The following CAMTA1 variants were observed in gnomAD, a reference collection of about 807,000 sequenced individuals.
The protein encoded by CAMTA1 is calmodulin-binding transcription activator 1.
A neutral mutation model predicts 170.9 loss-of-function variants in CAMTA1; 27 were observed. The ratio of observed to expected loss-of-function variants is 0.16; its 90% CI spans 0.12 to 0.22. CAMTA1 has a LOEUF of 0.22. CAMTA1 is among the 10% of genes least tolerant of loss of function. The pLI, the probability that CAMTA1 is intolerant of heterozygous loss-of-function variation, is 1.00. For synonymous variants in CAMTA1, 833 were observed against 891.5 expected (o/e 0.93, Z 1.17); for missense variants, 1,619 against 2,217.2 (o/e 0.73, Z 5.42).
At chr1:7,761,592 A>G (rs1169018647) in intron 22 of CAMTA1, among the ~76,000 whole-genome samples, 2 of 152,210 alleles carry the variant, frequency 1.3e-5, no homozygotes, top group Non-Finnish European at 2.9e-5. Context: ...CAAGTTCTAT[A>G]GATATGGTGA....
At chr1:7,320,641 C>CTG (rs1553132641) in intron 5 of CAMTA1, among the ~76,000 whole-genome samples, 23 of 135,704 alleles carry the variant, frequency 1.7e-4, no homozygotes, top group African/African-American at 5.4e-4. Flanking sequence ...CTGGGCTGTG[C>CTG]TGTGTGTGTT....
chr1:7,691,319 G>A (rs2096308969), intron 11 of CAMTA1, among the ~76,000 whole-genome samples: 1 of 152,190 alleles, frequency 6.6e-6, no homozygotes, highest in South Asian at 2.1e-4. Flanking sequence ...CAGGCCACAG[G>A]GGCTGGAGGG....
intron 5 of CAMTA1, among the ~76,000 whole-genome samples, chr1:7,254,219 C>T (rs1019603973): frequency 9.9e-5 from 15 of 152,270 alleles, no homozygotes; most frequent in African/African-American, 3.6e-4. Flanking sequence ...TCAGTATTTC[C>T]CCCAGGCCTA....
At chr1:7,502,715 G>A (rs913328756) in intron 6 of CAMTA1, among the ~76,000 whole-genome samples, 13 of 152,240 alleles carry the variant, frequency 8.5e-5, no homozygotes, top group Admixed American at 3.9e-4. Context: ...AGGACACTGA[G>A]CACTGGAGGG....
At chr1:7,624,191 G>C (rs2095617900) in intron 6 of CAMTA1, among the ~76,000 whole-genome samples, 1 of 152,258 alleles carries the variant, frequency 6.6e-6, no homozygotes, top group African/African-American at 2.4e-5. Flanking sequence ...TCCCCGCTAA[G>C]GGGTTGCCTT....
chr1:7,525,603 C>T (rs1206450676), intron 6 of CAMTA1, among the ~76,000 whole-genome samples: 1 of 152,114 alleles, frequency 6.6e-6, no homozygotes, highest in African/African-American at 2.4e-5. Context: ...AGGCCAGCTC[C>T]TGGGAGGACA....
rs1449361542 is a variant in CAMTA1 at position 7,588,384 on chromosome 1, G to C, written c.511-52016G>C. On this transcript the variant is annotated intron_variant, in intron 6 of 22. Transcript: ENST00000303635. This position sits in a 1 kb window ranked among gnomAD's most constrained non-coding sequence, Gnocchi z 5.8. ...CACACAGTCGGGATGGTCCGGGCGG[G>C]GGATGGCCCCAGGGGCTCAGGAGGC... 6.6e-6 allele frequency among the ~76,000 whole-genome samples: 1 copy of C among 152,182 alleles called. No individual in the cohort carries two copies. The highest frequency in any genetic ancestry group is 1.5e-5 in the Non-Finnish European group (1 of 68,024).
intron 5 of CAMTA1, among the ~76,000 whole-genome samples, chr1:7,360,806 T>C (rs892858716): frequency 1.3e-5 from 2 of 152,242 alleles, no homozygotes; most frequent in African/African-American, 4.8e-5. Flanking sequence ...ATCCCTCTCC[T>C]GCCACGCCTG....
chr1:7,359,526 T>C (rs1039044267), intron 5 of CAMTA1, among the ~76,000 whole-genome samples: 2 of 152,168 alleles, frequency 1.3e-5, no homozygotes, highest in African/African-American at 2.4e-5. Flanking sequence ...CTCACCCCAT[T>C]CGACGGCACC....
rs746398137 is a variant in CAMTA1, at chr1:7,661,832, G to A, written c.771G>A (p.Pro257=). 4.3e-5 allele frequency: 70 copies of A among 1,613,110 alleles called. No homozygotes were observed. The highest frequency in any genetic ancestry group is 2.4e-4 in the South Asian group (22 of 90,952). The change falls in exon 8 of 23, where the codon CCG becomes CCA. Residue 257 remains proline (P), a synonymous_variant. Coordinates refer to ENST00000303635, the MANE Select transcript of CAMTA1 (RefSeq NM_015215.4). ...ILDSHQTKPQ[P]RTHNCLCTGS... ...ACAGCCACCAGACCAAGCCCCAGCC[G>A]CGGACCCACAACTGCCTCTGCACCG...
chr1:7,126,013 C>G (rs1344802374), intron 4 of CAMTA1, among the ~76,000 whole-genome samples: 1 of 152,086 alleles, frequency 6.6e-6, no homozygotes, highest in Non-Finnish European at 1.5e-5. Context: ...AACTCACAGT[C>G]ATGGCAGAAG....
At chr1:7,131,954 C>G (rs1374861101) in intron 4 of CAMTA1, among the ~76,000 whole-genome samples, 4 of 151,996 alleles carry the variant, frequency 2.6e-5, no homozygotes, top group African/African-American at 9.7e-5. Context: ...ACTCAGGAGA[C>G]TGAGGCAGGA....
At chr1:6,834,232 T>G (rs1165321671) in intron 3 of CAMTA1, 1 of 151,064 alleles carries the variant, frequency 6.6e-6, no homozygotes, top group Non-Finnish European at 1.5e-5. Context: ...TTATTTTTAT[T>G]TATAAATTTA....
chr1:7,084,108 G>GT (rs1640397280), intron 3 of CAMTA1, among the ~76,000 whole-genome samples: 1 of 151,898 alleles, frequency 6.6e-6, no homozygotes, highest in Non-Finnish European at 1.5e-5. Flanking sequence ...ATCTGAGACT[G>GT]TATAGACTAT....
rs770570148 is a variant in CAMTA1, at chr1:7,664,773, G to A, written c.2226G>A (p.Gln742=). Residue 742 remains glutamine, a synonymous_variant, in exon 9 of 23, where the codon CAG becomes CAA. Transcript: ENST00000303635. Reference sequence around the variant, plus strand: ...CCATCCTCCCGGGCAACGTGGTGCAGGGACTCTACCCCGTGGCCCAGCCCA... The same window carrying A: ...CCATCCTCCCGGGCAACGTGGTGCAAGGACTCTACCCCGTGGCCCAGCCCA... ...GVPILPGNVV[Q]GLYPVAQPSL... is the part of the protein sequence containing the mutation. The A allele has an allele frequency of 6.5e-5, 104 of 1,611,508 alleles. No individual in the cohort carries two copies. The Admixed American group carries it at 1.6e-3, about 25-fold the overall frequency.
chr1:6,851,901 C>T lies in CAMTA1; in HGVS notation c.234+26691C>T, dbSNP rs1051695484. ...TGGTGGTGCACGCCTGTAATTCCAGCCACTTGGGAGGCTGAGGCACGAGAA... is the reference window on the plus strand; with the variant it reads ...TGGTGGTGCACGCCTGTAATTCCAGTCACTTGGGAGGCTGAGGCACGAGAA... On this transcript the variant is annotated intron_variant, in intron 3 of 22. Transcript: ENST00000303635. 5.0e-4 allele frequency among the ~76,000 whole-genome samples: 76 copies of T among 151,838 alleles called. 3 individuals are homozygous for T. The highest frequency in any genetic ancestry group is 7.4e-5 in the Non-Finnish European group (5 of 67,980).
chr1:7,263,253 A>G (rs980604339), intron 5 of CAMTA1, among the ~76,000 whole-genome samples: 8 of 152,224 alleles, frequency 5.3e-5, no homozygotes, highest in Admixed American at 5.2e-4. Flanking sequence ...AAATGGAAAT[A>G]AATGCACTAA....
chr1:7,443,235 A>C lies in CAMTA1; in HGVS notation c.439-24595A>C, dbSNP rs11120928. Among the ~76,000 whole-genome samples the C allele has an allele frequency of 0.12, 18,633 of 152,260 alleles. 2,028 individuals are homozygous for C. The highest frequency in any genetic ancestry group is 0.33 in the East Asian group (1,729 of 5,162). On this transcript the variant is annotated intron_variant, in intron 5 of 22. Coordinates refer to ENST00000303635, the MANE Select transcript of CAMTA1 (RefSeq NM_015215.4). This position sits in a 1 kb window ranked among gnomAD's most constrained non-coding sequence, Gnocchi z 4.1. ...TAGACGTGTATGATGATCTGCATGA[A>C]GTCCATTTCCCCACTTTCGTGGGGT... is the stretch of plus-strand genomic sequence containing the variant.
intron 6 of CAMTA1, among the ~76,000 whole-genome samples, chr1:7,569,566 C>A (rs936330713): frequency 6.6e-6 from 1 of 151,724 alleles, no homozygotes; most frequent in Non-Finnish European, 1.5e-5. Flanking sequence ...TCAACATCAC[C>A]ATCTTCATCA....
Sources: allele counts gnomAD v4.1 joint callset (sites outside exome capture counted in the v4.1 genomes callset), GRCh38; gene constraint gnomAD v4.1.1; non-coding constraint Gnocchi (gnomAD v3.1); transcripts MANE v1.5; gene names NCBI Gene and HGNC (gene_info 2026-07-23, HGNC 2026-07-21).